The following SLC26A7 variants were observed in gnomAD, a reference collection of about 807,000 sequenced individuals.
SLC26A7 encodes solute carrier family 26 member 7.
A neutral mutation model predicts 82.5 loss-of-function variants in SLC26A7; 59 were observed. The ratio of observed to expected loss-of-function variants is 0.72; its 90% CI spans 0.58 to 0.89. The LOEUF (loss-of-function observed/expected upper bound fraction) is 0.89. Ranked by LOEUF, SLC26A7 falls within the 40% of genes least tolerant of loss-of-function variation. SLC26A7 has a pLI of 0.00. For synonymous variants in SLC26A7, 271 were observed against 274.3 expected (o/e 0.99, Z 0.12); for missense variants, 820 against 793.0 (o/e 1.03, Z -0.41).
At chr8:91,249,086 A>G (rs1236820525), upstream of SLC26A7, among the ~76,000 whole-genome samples, 1 of 152,120 alleles carries the variant, frequency 6.6e-6, no homozygotes, top group East Asian at 1.9e-4. Flanking sequence ...ATAGCTCTCA[A>G]AGAAATAGGG....
chr8:91,309,175 G>A (rs963113587), intron 4 of SLC26A7, among the ~76,000 whole-genome samples: 1 of 151,896 alleles, frequency 6.6e-6, no homozygotes, highest in Non-Finnish European at 1.5e-5. Context: ...CAGAATTCCA[G>A]TAATTTTGCC....
chr8:91,346,842 A>G (rs138729409), intron 9 of SLC26A7, among the ~76,000 whole-genome samples: 81 of 152,152 alleles, frequency 5.3e-4, no homozygotes, highest in African/African-American at 1.9e-3. Flanking sequence ...TGTGGGTTCC[A>G]GTGTCTGTTC....
At chr8:91,233,784 A>G (rs1265777775) in intron 2 of SLC26A7, among the ~76,000 whole-genome samples, 2 of 152,150 alleles carry the variant, frequency 1.3e-5, no homozygotes, top group East Asian at 1.9e-4. Context: ...CTTTGGTCAT[A>G]GAGTCCTCCA....
At chr8:91,363,424 A>G (rs895735146) in intron 12 of SLC26A7, 48 bp from the exon 13 acceptor site, 10 of 1,195,138 alleles carry the variant, frequency 8.4e-6, no homozygotes, top group Non-Finnish European at 1.1e-5. Flanking sequence ...TTGTTTATAT[A>G]ATGATTAGGA....
At chr8:91,293,436 C>A (rs2130773009) in intron 3 of SLC26A7, among the ~76,000 whole-genome samples, 1 of 152,328 alleles carries the variant, frequency 6.6e-6, no homozygotes, top group East Asian at 1.9e-4. Context: ...TATTCACTGG[C>A]AGTCCCACTT....
chr8:91,338,050 A>G, intron 6 of SLC26A7, 100 bp from the exon 7 acceptor site: 2 of 628,796 alleles, frequency 3.2e-6, no homozygotes, highest in Non-Finnish European at 5.0e-6. Context: ...CTTGATGTTT[A>G]TGGGACATGA....
chr8:91,331,385 C>A (rs1044937998), intron 5 of SLC26A7, among the ~76,000 whole-genome samples: 2 of 152,018 alleles, frequency 1.3e-5, no homozygotes, highest in Non-Finnish European at 2.9e-5. Context: ...ATACATGTAA[C>A]CTAGAGAATT....
At chr8:91,238,552 T>C (rs1810423274) in intron 2 of SLC26A7, among the ~76,000 whole-genome samples, 1 of 148,926 alleles carries the variant, frequency 6.7e-6, no homozygotes, top group African/African-American at 2.5e-5. Flanking sequence ...TATTTATATA[T>C]ACATATATAT....
intron 2 of SLC26A7, among the ~76,000 whole-genome samples, chr8:91,251,657 C>A (rs533354113): frequency 5.7e-4 from 86 of 152,006 alleles, no homozygotes; most frequent in African/African-American, 2.0e-3. Context: ...TAACAGAATC[C>A]CAAGACACAG....
At position 91,389,433 on chromosome 8, in the gene SLC26A7, G is replaced by T; in HGVS notation, c.1771G>T (p.Val591Phe). 6.2e-7 allele frequency: 1 copy of T among 1,609,892 alleles called. No individual in the cohort carries two copies. The highest frequency in any genetic ancestry group is 8.5e-7 in the Non-Finnish European group (1 of 1,176,220). Residue 591 changes from valine to phenylalanine, a missense_variant, in exon 16 of 19, where the codon GTT (valine) becomes TTT (phenylalanine). By Grantham distance (50) the Val-to-Phe change is conservative. Coordinates refer to ENST00000276609, the MANE Select transcript of SLC26A7 (RefSeq NM_052832.4). ...TGACTATTCTGGAGTCTCCATGCTT[G>T]TTGAGGTATTTATGGAACTTGTGTT... The part of the protein sequence containing the change: ...FFDYSGVSML[V>F]EVYMDCKGRS...
chr8:91,368,980 G>C (rs1814278530), intron 14 of SLC26A7, among the ~76,000 whole-genome samples: 1 of 152,186 alleles, frequency 6.6e-6, no homozygotes, highest in East Asian at 1.9e-4. Flanking sequence ...GAAAACACGG[G>C]CTCTCTAGTC....
chr8:91,290,727 T>C (rs981759932), intron 3 of SLC26A7, among the ~76,000 whole-genome samples: 2 of 152,226 alleles, frequency 1.3e-5, no homozygotes, highest in African/African-American at 2.4e-5. Flanking sequence ...TCACAGGTTC[T>C]GGGGATTAGG....
intron 18 of SLC26A7, chr8:91,394,609 T>C: frequency 1.7e-6 from 2 of 1,159,600 alleles, no homozygotes; most frequent in Non-Finnish European, 2.1e-6. Context: ...TCCTCACCCC[T>C]AGAATAACAT....
intron 5 of SLC26A7, among the ~76,000 whole-genome samples, chr8:91,331,442 A>G (rs1237034445): frequency 6.6e-6 from 1 of 152,158 alleles, no homozygotes; most frequent in Non-Finnish European, 1.5e-5. Flanking sequence ...TCCATTTTCA[A>G]TGCTGTTTTA....
rs1808601505 is a variant in SLC26A7, at chr8:91,397,458, A to G, written c.*2361A>G. ...ACCTTATTTTTATATATGACAAACT[A>G]CTTCTATAATGCTTATTATGGTAAA... is the stretch of plus-strand genomic sequence containing the variant. On this transcript the variant is annotated 3_prime_UTR_variant, in exon 19 of 19. Coordinates refer to ENST00000276609, the MANE Select transcript of SLC26A7 (RefSeq NM_052832.4). 6.6e-6 allele frequency: 1 copy of G among 152,562 alleles called. No homozygotes were observed. The highest frequency in any genetic ancestry group is 2.4e-5 in the African/African-American group (1 of 41,448). 9.5% of individuals were successfully genotyped at this position (152,562 alleles called of 1,614,324 possible).
rs750118497 is a variant in SLC26A7, at chr8:91,249,806, T to C, written c.155T>C (p.Val52Ala). ...NLKENLLPDTVSGIMLAVQQV... is the reference protein window; with the variant it reads ...NLKENLLPDTASGIMLAVQQV... Reference sequence around the variant, plus strand: ...AAAGAAAACTTGCTTCCAGACACTGTGTCTGGGATAATGTTGGCAGTTCAA... The same window carrying C: ...AAAGAAAACTTGCTTCCAGACACTGCGTCTGGGATAATGTTGGCAGTTCAA... The change falls in exon 2 of 19, where the codon GTG becomes GCG. Residue 52 changes from valine to alanine, a missense_variant. Val to Ala is a moderately conservative substitution (Grantham distance 64). Coordinates refer to ENST00000276609, the MANE Select transcript of SLC26A7 (RefSeq NM_052832.4). The C allele has an allele frequency of 6.2e-7, 1 of 1,608,672 alleles. No homozygotes were observed. Among genetic ancestry groups the C allele is most frequent in the South Asian group, 1.1e-5 (1 of 89,864 alleles).
At chr8:91,355,375 T>G (rs1242093402) in intron 11 of SLC26A7, among the ~76,000 whole-genome samples, 1 of 152,108 alleles carries the variant, frequency 6.6e-6, no homozygotes, top group Non-Finnish European at 1.5e-5. Flanking sequence ...TTCAAATCTG[T>G]GTTCTGCTCT....
intron 4 of SLC26A7, among the ~76,000 whole-genome samples, chr8:91,302,106 C>G (rs1470166891): frequency 6.6e-6 from 1 of 152,004 alleles, no homozygotes; most frequent in Non-Finnish European, 1.5e-5. Flanking sequence ...CTAACATTTT[C>G]CTTCTAACCT....
chr8:91,334,735 G>A (rs1383363138), intron 6 of SLC26A7, among the ~76,000 whole-genome samples: 1 of 152,048 alleles, frequency 6.6e-6, no homozygotes, highest in African/African-American at 2.4e-5. Context: ...TAAATAAGGA[G>A]GTACTTATAA....
Sources: allele counts gnomAD v4.1 joint callset (sites outside exome capture counted in the v4.1 genomes callset), GRCh38; gene constraint gnomAD v4.1.1; transcripts MANE v1.5; gene names NCBI Gene and HGNC (gene_info 2026-07-23, HGNC 2026-07-21).